TPRG1: variants seen among roughly 807,000 people sequenced by gnomAD.
The protein encoded by TPRG1 is tumor protein p63-regulated gene 1 protein.
Under a neutral mutation model 29.3 loss-of-function variants are expected in TPRG1, and 29 were observed. The observed-to-expected ratio is 0.99, with a 90% CI of 0.74 to 1.35. The LOEUF is 1.35. Among genes scored for constraint, TPRG1 ranks in the 40% most tolerant of loss-of-function variants. The probability of loss-of-function intolerance (pLI) is 0.00; values close to 1 mark genes in which losing one functional copy is unlikely to be tolerated. For synonymous variants in TPRG1, 130 were observed against 116.8 expected, an observed-to-expected ratio of 1.11 and a Z score of -0.73; for missense variants, 327 against 335.0, an observed-to-expected ratio of 0.98 and a Z score of 0.19.
At chr3:189,048,944 T>C (rs1715139006) in intron 4 of TPRG1, among the ~76,000 whole-genome samples, 1 of 152,118 alleles carries the variant, frequency 6.6e-6, no homozygotes, top group African/African-American at 2.4e-5. Context: ...GTTAGAGAGC[T>C]GAGCGAAATA....
intron 3 of TPRG1, among the ~76,000 whole-genome samples, chr3:189,018,147 T>C (rs1195424647): frequency 3.3e-5 from 5 of 151,964 alleles, no homozygotes; most frequent in East Asian, 1.9e-4. Flanking sequence ...GTCAGATGAG[T>C]AGGTTGCGAA....
At chr3:189,230,446 G>T (rs1224856101) in intron 3 of TPRG1, among the ~76,000 whole-genome samples, 1 of 151,686 alleles carries the variant, frequency 6.6e-6, no homozygotes, top group Non-Finnish European at 1.5e-5. Context: ...AAAAAAAAAT[G>T]TGTTGTGTCC....
chr3:189,107,041 G>A (rs1421246998), intron 1 of TPRG1, among the ~76,000 whole-genome samples: 1 of 150,574 alleles, frequency 6.6e-6, no homozygotes, highest in Non-Finnish European at 1.5e-5. Flanking sequence ...TGTTTTTTTT[G>A]GAAGGTTCTG....
At chr3:189,054,540 G>T (rs1224497900) in intron 4 of TPRG1, among the ~76,000 whole-genome samples, 1 of 151,860 alleles carries the variant, frequency 6.6e-6, no homozygotes, top group Non-Finnish European at 1.5e-5. Flanking sequence ...AATTTAAATG[G>T]CAAACTCCTC....
At chr3:189,266,977 A>G (rs1447646610) in intron 4 of TPRG1, among the ~76,000 whole-genome samples, 1 of 152,160 alleles carries the variant, frequency 6.6e-6, no homozygotes, top group Non-Finnish European at 1.5e-5. Flanking sequence ...GATTCAACAA[A>G]TGGAGGACAA....
At chr3:189,138,875 G>A (rs1172582024) in intron 3 of TPRG1, among the ~76,000 whole-genome samples, 2 of 152,186 alleles carry the variant, frequency 1.3e-5, no homozygotes, top group Admixed American at 1.3e-4. Flanking sequence ...TAATAAAGGG[G>A]TCAGGGAGGG....
intron 4 of TPRG1, among the ~76,000 whole-genome samples, chr3:189,245,934 T>A (rs1741314250): frequency 6.6e-6 from 1 of 152,204 alleles, no homozygotes; most frequent in South Asian, 2.1e-4. Flanking sequence ...GGCAAAATTC[T>A]ATGTTATAAA....
rs142182884 is a variant in TPRG1 at position 189,118,328 on chromosome 3, G to T, written c.-743-8729G>T. ...AATCTGGCAGAAGAAATTTCTAAGT[G>T]CCAGAGCATTCAAGAGGAAGCAGAG... On this transcript the variant is annotated intron_variant, in intron 1 of 6. Transcript: ENST00000412373. 8.5e-5 allele frequency among the ~76,000 whole-genome samples: 13 copies of T among 152,258 alleles called. No individual in the cohort carries two copies. In the East Asian group the frequency reaches 2.5e-3, roughly 29 times the overall value.
At chr3:189,146,146 G>A (rs1578528223) in intron 3 of TPRG1, among the ~76,000 whole-genome samples, 2 of 152,304 alleles carry the variant, frequency 1.3e-5, no homozygotes, top group East Asian at 3.9e-4. Context: ...CATCACATCA[G>A]CTGGTTTTCC....
intron 4 of TPRG1, among the ~76,000 whole-genome samples, chr3:189,036,729 GAA>G (rs1205484116): frequency 6.6e-6 from 1 of 151,890 alleles, no homozygotes; most frequent in African/African-American, 2.4e-5. Flanking sequence ...ACAAAAAGTT[GAA>G]AATTAGCAAA....
intron 4 of TPRG1, among the ~76,000 whole-genome samples, chr3:189,271,497 A>G (rs1013692777): frequency 8.5e-5 from 13 of 152,280 alleles, no homozygotes; most frequent in African/African-American, 3.1e-4. Flanking sequence ...GTGGGTGCCA[A>G]CATTCAGACA....
At position 189,222,749 on chromosome 3, in the gene TPRG1, A is replaced by G. The variant is rs554404749; in HGVS notation, c.302+7366A>G. Among the ~76,000 whole-genome samples, 5 of 152,332 alleles carry G rather than the reference A, an allele frequency of 3.3e-5. No homozygotes were observed. In the East Asian group the frequency reaches 9.6e-4, roughly 29 times the overall value. On this transcript the variant is annotated intron_variant, in intron 3 of 5. Transcript: ENST00000345063. ...TTACATCCACAAGCCTTTGTATGTC[A>G]TGACTGAGTTTCTTGCTCCAGCCTT...
intron 3 of TPRG1, among the ~76,000 whole-genome samples, chr3:189,018,215 G>A (rs1378847571): frequency 6.8e-6 from 1 of 146,962 alleles, no homozygotes; most frequent in African/African-American, 2.5e-5. Flanking sequence ...CTTTTGCTGT[G>A]CAGAAGCTCT....
chr3:189,018,868 G>A (rs1180729928), intron 3 of TPRG1, among the ~76,000 whole-genome samples: 2 of 149,036 alleles, frequency 1.3e-5, no homozygotes, highest in African/African-American at 4.9e-5. Flanking sequence ...CATGAGCATG[G>A]AATGTTCTTC....
intron 4 of TPRG1, among the ~76,000 whole-genome samples, chr3:189,257,152 C>T (rs1043076717): frequency 2.0e-5 from 3 of 152,140 alleles, no homozygotes; most frequent in African/African-American, 7.2e-5. Flanking sequence ...CCAGTTTTTC[C>T]TTTCCATATT....
Position 189,194,945 on chromosome 3 carries a change from G to A in TPRG1, c.-9-12431G>A, listed in dbSNP as rs76794593. Among the ~76,000 whole-genome samples, 882 of 152,184 alleles carry A rather than the reference G, an allele frequency of 5.8e-3. 9 individuals are homozygous for A. The highest frequency in any genetic ancestry group is 0.019 in the African/African-American group (775 of 41,524). On this transcript the variant is annotated intron_variant, in intron 1 of 5. Coordinates refer to ENST00000345063, the MANE Select transcript of TPRG1 (RefSeq NM_198485.4). Reference sequence around the variant, plus strand: ...TCAGCAGCTAAGACACCACTCTAGGGGGCTAGTCCAGCTCCAAAGGTACTA... The same window carrying A: ...TCAGCAGCTAAGACACCACTCTAGGAGGCTAGTCCAGCTCCAAAGGTACTA...
At chr3:189,152,179 T>TTA (rs1210500112) in intron 5 of TPRG1, among the ~76,000 whole-genome samples, 1 of 152,124 alleles carries the variant, frequency 6.6e-6, no homozygotes, top group African/African-American at 2.4e-5. Context: ...GTTTTTTTTT[T>TTA]ATGTTACCAA....
At chr3:189,140,464 A>G (rs1441481934) in intron 3 of TPRG1, among the ~76,000 whole-genome samples, 1 of 152,150 alleles carries the variant, frequency 6.6e-6, no homozygotes, top group Non-Finnish European at 1.5e-5. Flanking sequence ...TCAACAAATC[A>G]TTGCTATTAC....
intron 4 of TPRG1, among the ~76,000 whole-genome samples, chr3:189,301,167 C>T (rs1450713101): frequency 6.6e-6 from 1 of 151,722 alleles, no homozygotes; most frequent in Non-Finnish European, 1.5e-5. Flanking sequence ...GACGTGGTGT[C>T]ACACGCCTGT....
Sources: allele counts gnomAD v4.1 joint callset (sites outside exome capture counted in the v4.1 genomes callset), GRCh38; gene constraint gnomAD v4.1.1; transcripts MANE v1.5; gene names NCBI Gene and HGNC (gene_info 2026-07-23, HGNC 2026-07-21).